Variants in XIRP2 observed in about 807,000 individuals in gnomAD.
XIRP2 encodes xin actin binding repeat containing 2.
XIRP2 carries 236 observed loss-of-function variants against 277.0 expected under a neutral mutation model. The observed-to-expected ratio is 0.85, with a 90% CI of 0.77 to 0.95. The LOEUF (loss-of-function observed/expected upper bound fraction) is 0.95, where lower values mean the gene tolerates loss of function less well. Ranked by LOEUF, XIRP2 falls within the 40% of genes least tolerant of loss-of-function variation. The pLI, the probability that XIRP2 is intolerant of heterozygous loss-of-function variation, is 0.00. For missense variants in XIRP2, 4,640 were observed against 4,157.5 expected (o/e 1.12, Z -3.19); for synonymous variants, 1,490 against 1,416.5 (o/e 1.05, Z -1.17).
intron 2 of XIRP2, among the ~76,000 whole-genome samples, chr2:167,063,309 G>T (rs1018088830): frequency 6.6e-6 from 1 of 151,846 alleles, no homozygotes; most frequent in African/African-American, 2.4e-5. Flanking sequence ...ATTGAGACTT[G>T]TTTTATGACC....
intron 2 of XIRP2, among the ~76,000 whole-genome samples, chr2:166,928,730 T>C (rs1396365477): frequency 6.6e-6 from 1 of 152,144 alleles, no homozygotes; most frequent in Non-Finnish European, 1.5e-5. Flanking sequence ...AATAAATGCA[T>C]ATTCCAATGT....
intron 2 of XIRP2, among the ~76,000 whole-genome samples, chr2:167,011,946 A>G (rs2105471719): frequency 6.6e-6 from 1 of 151,966 alleles, no homozygotes; most frequent in East Asian, 1.9e-4. Context: ...TATTGTGTCT[A>G]TTTGATTCTT....
At chr2:167,134,880 A>T (rs1041413120) in intron 2 of XIRP2, among the ~76,000 whole-genome samples, 2 of 152,160 alleles carry the variant, frequency 1.3e-5, no homozygotes, top group Admixed American at 6.5e-5. Context: ...GGTGGGTAGT[A>T]TGGACAAACA....
At chr2:167,162,586 G>T (rs746328778) in intron 3 of XIRP2, among the ~76,000 whole-genome samples, 14 of 152,034 alleles carry the variant, frequency 9.2e-5, no homozygotes, top group Non-Finnish European at 1.5e-5. Context: ...TCTCCCACTG[G>T]GTCCCTCCCA....
At chr2:167,201,250 GAA>G (rs779665629) in intron 3 of XIRP2, among the ~76,000 whole-genome samples, 34 of 92,812 alleles carry the variant, frequency 3.7e-4, no homozygotes, top group African/African-American at 1.7e-3. Flanking sequence ...AAGAAAGAAA[GAA>G]AGAAAGAAAG....
chr2:167,010,068 A>G (rs1687622914), intron 2 of XIRP2, among the ~76,000 whole-genome samples: 1 of 151,900 alleles, frequency 6.6e-6, no homozygotes, highest in Non-Finnish European at 1.5e-5. Flanking sequence ...TCTTTAGTTT[A>G]ATTAGATCCC....
intron 2 of XIRP2, among the ~76,000 whole-genome samples, chr2:166,996,886 C>A (rs904727558): frequency 3.9e-5 from 6 of 152,090 alleles, no homozygotes; most frequent in Non-Finnish European, 8.8e-5. Flanking sequence ...ATTAACCTAA[C>A]CTGCTCTCAT....
chr2:167,173,272 C>T (rs1212656026), intron 3 of XIRP2, among the ~76,000 whole-genome samples: 1 of 151,872 alleles, frequency 6.6e-6, no homozygotes, highest in Non-Finnish European at 1.5e-5. Flanking sequence ...CCCTCCCTGA[C>T]AACACCACAC....
chr2:167,122,336 A>G (rs932684554), intron 2 of XIRP2, among the ~76,000 whole-genome samples: 1 of 152,208 alleles, frequency 6.6e-6, no homozygotes, highest in Non-Finnish European at 1.5e-5. Context: ...CAGCTGTAAA[A>G]TGAGAGCACA....
rs1344035347 is a variant in XIRP2 at position 166,975,138 on chromosome 2, CTT to C, written c.408+71250_408+71251del. On this transcript the variant is annotated intron_variant, in intron 2 of 10. Transcript: ENST00000409195. ...AAATACATATTACCTAATAAAAGAA[CTT>C]TAAAATACATGAAGTAGAGACTGAC... Among the ~76,000 whole-genome samples the C allele has an allele frequency of 4.6e-5, 7 of 152,046 alleles. No individual in the cohort carries two copies. In the East Asian group the frequency reaches 1.4e-3, roughly 29 times the overall value.
At chr2:167,135,609 A>G (rs796801435) in intron 2 of XIRP2, among the ~76,000 whole-genome samples, 17 of 152,242 alleles carry the variant, frequency 1.1e-4, no homozygotes, top group African/African-American at 4.1e-4. Flanking sequence ...ATTAACATAT[A>G]TTATGTTGTA....
In XIRP2 at chr2:167,249,542, C is replaced by T. The variant is rs781221557; in HGVS notation, c.8150C>T (p.Thr2717Ile). The T allele has an allele frequency of 2.5e-6, 4 of 1,613,610 alleles. No individual in the cohort carries two copies. Among genetic ancestry groups the T allele is most frequent in the Admixed American group, 1.7e-5 (1 of 59,962 alleles). The stretch of plus-strand genomic sequence containing the variant: ...AAAGTTAAAACCATCAAACTTCCAA[C>T]TCTAGATCATACATTAAATGAAACA... ...NFKVKTIKLP[T>I]LDHTLNETDH... Residue 2717 changes from threonine to isoleucine, a missense_variant, in exon 9 of 11, where the codon ACT becomes ATT. Thr to Ile is a moderately conservative substitution (Grantham distance 89, BLOSUM62 -1). Coordinates refer to ENST00000409195, the MANE Select transcript of XIRP2 (RefSeq NM_152381.6).
Position 167,218,993 on chromosome 2 carries a change from G to A in XIRP2, c.858+693G>A, listed in dbSNP as rs191889735. On this transcript the variant is annotated intron_variant, in intron 5 of 10. Coordinates refer to ENST00000409195, the MANE Select transcript of XIRP2 (RefSeq NM_152381.6). ...GTGTACTTAGGCCCATGTTTTCCAT[G>A]AGGAAGGAGGCAACTGAGGTATTTC... Among the ~76,000 whole-genome samples the A allele has an allele frequency of 8.5e-5, 13 of 152,196 alleles. 1 individual carries two copies. The highest frequency in any genetic ancestry group is 2.6e-4 in the African/African-American group (11 of 41,518).
At chr2:166,911,944 C>T (rs897835503) in intron 2 of XIRP2, among the ~76,000 whole-genome samples, 1 of 152,212 alleles carries the variant, frequency 6.6e-6, no homozygotes, top group African/African-American at 2.4e-5. Context: ...CCTCCACTCT[C>T]TTCTGGCTTG....
chr2:166,937,330 C>G (rs1322795199), intron 2 of XIRP2, among the ~76,000 whole-genome samples: 1 of 152,204 alleles, frequency 6.6e-6, no homozygotes, highest in African/African-American at 2.4e-5. Context: ...GCCTTTTCTG[C>G]ATCTATTGAG....
intron 3 of XIRP2, among the ~76,000 whole-genome samples, chr2:167,155,898 G>C (rs1692181311): frequency 6.6e-6 from 1 of 150,992 alleles, no homozygotes; most frequent in Admixed American, 6.6e-5. Context: ...CTTCAGCAAA[G>C]TCTCAGGACA....
At position 167,245,498 on chromosome 2, in the gene XIRP2, AT is replaced by A. The variant is rs754588519; in HGVS notation, c.4107del (p.Tyr1369Ter). The A allele has an allele frequency of 1.5e-5, 25 of 1,613,534 alleles. No individual in the cohort carries two copies. Among genetic ancestry groups the A allele is most frequent in the Admixed American group, 5.0e-5 (3 of 59,966 alleles). On this transcript the variant is annotated frameshift_variant, in exon 9 of 11. Transcript: ENST00000409195. LOFTEE classifies it high-confidence loss of function. Reference sequence around the variant, plus strand: ...TCTATTAATAAATCAGAAACTGTGTATGTTATTAAATCTGTCACACAAGAAG... The same window carrying A: ...TCTATTAATAAATCAGAAACTGTGTAGTTATTAAATCTGTCACACAAGAAG... The part of the protein sequence containing the change: ...LDSINKSETV[Y>X]VIKSVTQEDI...
At chr2:167,256,331 AGTT>A (rs1369457756) in intron 10 of XIRP2, among the ~76,000 whole-genome samples, 2 of 151,402 alleles carry the variant, frequency 1.3e-5, no homozygotes, top group Non-Finnish European at 3.0e-5. Flanking sequence ...TTATTGAAAA[AGTT>A]GTTTTCATTC....
At chr2:166,925,631 A>G (rs1685168531) in intron 2 of XIRP2, among the ~76,000 whole-genome samples, 1 of 143,214 alleles carries the variant, frequency 7.0e-6, no homozygotes, top group South Asian at 2.2e-4. Context: ...ATATATACAT[A>G]TAAGTATATA....
Sources: allele counts gnomAD v4.1 joint callset (sites outside exome capture counted in the v4.1 genomes callset), GRCh38; gene constraint gnomAD v4.1.1; transcripts MANE v1.5; gene names NCBI Gene and HGNC (gene_info 2026-07-23, HGNC 2026-07-21).